The following AKAP6 variants were observed in gnomAD, a reference collection of about 807,000 sequenced individuals.
AKAP6 encodes the protein A-kinase anchor protein 6.
AKAP6 carries 58 observed loss-of-function variants against 188.5 expected under a neutral mutation model. The observed-to-expected ratio is 0.31, with a 90% CI of 0.25 to 0.38. AKAP6 has a LOEUF of 0.38. Among genes scored for constraint, AKAP6 ranks in the 10% least tolerant of loss-of-function variants. The pLI is 1.00. For synonymous variants in AKAP6, 989 were observed against 998.6 expected (o/e 0.99, Z 0.18); for missense variants, 2,710 against 2,740.0 (o/e 0.99, Z 0.24).
intron 1 of AKAP6, among the ~76,000 whole-genome samples, chr14:32,418,966 T>G (rs1221803204): frequency 6.6e-6 from 1 of 152,196 alleles, no homozygotes; most frequent in African/African-American, 2.4e-5. Flanking sequence ...TAACTTAAAT[T>G]ACTTGTTCTA....
intron 11 of AKAP6, among the ~76,000 whole-genome samples, chr14:32,769,683 A>AG (rs1436859458): frequency 1.3e-5 from 2 of 151,760 alleles, no homozygotes; most frequent in East Asian, 3.9e-4. Flanking sequence ...ATTGCTTTGG[A>AG]GTTTCTCAGC....
At chr14:32,689,454 T>C (rs184044378) in intron 8 of AKAP6, among the ~76,000 whole-genome samples, 40 of 152,326 alleles carry the variant, frequency 2.6e-4, no homozygotes, top group Non-Finnish European at 5.0e-4. Flanking sequence ...CGTAGGTATA[T>C]ATAAAAACTG....
chr14:32,693,366 T>C (rs1038532356), intron 8 of AKAP6: 3 of 152,214 alleles, frequency 2.0e-5, no homozygotes, highest in Admixed American at 2.0e-4. Context: ...ATTGTGCCTT[T>C]GTTGTCATGG....
At chr14:32,564,546 T>C (rs893717635) in intron 4 of AKAP6, among the ~76,000 whole-genome samples, 1 of 152,124 alleles carries the variant, frequency 6.6e-6, no homozygotes, top group African/African-American at 2.4e-5. Flanking sequence ...GAAGGATAGA[T>C]ATAGTGAATG....
chr14:32,439,255 T>C (rs1890488291), intron 2 of AKAP6, among the ~76,000 whole-genome samples: 1 of 152,204 alleles, frequency 6.6e-6, no homozygotes, highest in African/African-American at 2.4e-5. Flanking sequence ...GAAAAAGGAT[T>C]GAATCCTCTC....
Position 32,836,161 on chromosome 14 carries a change from G to A in AKAP6, c.*6356G>A, listed in dbSNP as rs558812784. ...AGTTGGAATGTGTTCATACGTGTAA[G>A]ACTGTCTTAGTCTGCCCAGACTGCT... On this transcript the variant is annotated 3_prime_UTR_variant, in exon 14 of 14. Transcript: ENST00000280979. 103 of 152,290 alleles carry A rather than the reference G, an allele frequency of 6.8e-4. No individual in the cohort carries two copies. Among genetic ancestry groups the A allele is most frequent in the African/African-American group, 2.4e-3 (100 of 41,554 alleles). The allele number at this position is 152,290 out of a possible 1,614,324, so 9.4% of individuals were successfully genotyped here.
chr14:32,434,472 C>T (rs1247502668), intron 2 of AKAP6, among the ~76,000 whole-genome samples: 1 of 152,160 alleles, frequency 6.6e-6, no homozygotes, highest in Non-Finnish European at 1.5e-5. Context: ...CTAGGGACTT[C>T]AAGATAAGGT....
chr14:32,614,771 T>C (rs1463801286), intron 7 of AKAP6, among the ~76,000 whole-genome samples: 1 of 152,076 alleles, frequency 6.6e-6, no homozygotes, highest in East Asian at 1.9e-4. Context: ...AGTTAGTCCA[T>C]GAGGCAACCA....
chr14:32,667,331 G>T (rs972456917), intron 7 of AKAP6, among the ~76,000 whole-genome samples: 1 of 151,960 alleles, frequency 6.6e-6, no homozygotes, highest in Non-Finnish European at 1.5e-5. Flanking sequence ...GGAACACTAA[G>T]AGTATGAAAG....
At chr14:32,811,255 A>AAAAAAAAAAAAAAAAGAAAAAAAAAAAT (rs546819675) in intron 12 of AKAP6, among the ~76,000 whole-genome samples, 1 of 118,298 alleles carries the variant, frequency 8.5e-6, no homozygotes, top group Admixed American at 8.4e-5. Flanking sequence ...AAAAAAAAAA[A>AAAAAAAAAAAAAAAAGAAAAAAAAAAAT]AGTTGAAAAA....
chr14:32,550,558 T>A (rs1264323519), intron 4 of AKAP6, among the ~76,000 whole-genome samples: 3 of 152,196 alleles, frequency 2.0e-5, no homozygotes, highest in Non-Finnish European at 4.4e-5. Flanking sequence ...TGCAGCGCTC[T>A]CCCGCATGCT....
intron 1 of AKAP6, among the ~76,000 whole-genome samples, chr14:32,377,682 A>C (rs1448509608): frequency 6.6e-6 from 1 of 152,130 alleles, no homozygotes. Context: ...TCATTTGACT[A>C]TTTGTTAGCT....
chr14:32,531,876 G>T (rs1882435052), intron 2 of AKAP6, among the ~76,000 whole-genome samples: 2 of 152,234 alleles, frequency 1.3e-5, no homozygotes, highest in South Asian at 4.1e-4. Flanking sequence ...TCATTTATCT[G>T]TTTACACATT....
chr14:32,644,353 C>A (rs1209751787), intron 7 of AKAP6, among the ~76,000 whole-genome samples: 1 of 152,116 alleles, frequency 6.6e-6, no homozygotes, highest in East Asian at 1.9e-4. Flanking sequence ...CTCTCTCTAC[C>A]AAGTGTATCT....
intron 2 of AKAP6, among the ~76,000 whole-genome samples, chr14:32,524,877 T>C (rs1226810676): frequency 1.3e-5 from 2 of 152,156 alleles, no homozygotes; most frequent in African/African-American, 2.4e-5. Flanking sequence ...GGCCATCACA[T>C]GCTTAAGAAA....
intron 9 of AKAP6, among the ~76,000 whole-genome samples, chr14:32,709,314 G>T (rs973023812): frequency 7.1e-6 from 1 of 141,420 alleles, no homozygotes; most frequent in Admixed American, 7.0e-5. Context: ...GGAGCACAAC[G>T]ATTTTTTTTT....
At chr14:32,440,744 T>C (rs1378580766) in intron 2 of AKAP6, among the ~76,000 whole-genome samples, 1 of 152,216 alleles carries the variant, frequency 6.6e-6, no homozygotes, top group Non-Finnish European at 1.5e-5. Context: ...CCCAAAAGCA[T>C]ATCCCAAATC....
intron 1 of AKAP6, among the ~76,000 whole-genome samples, chr14:32,405,388 TG>T (rs779003622): frequency 9.2e-5 from 14 of 152,168 alleles, no homozygotes; most frequent in African/African-American, 3.4e-4. Context: ...TCATAATGAT[TG>T]TTTTTTTGAC....
At chr14:32,596,906 A>G (rs1885727136) in intron 5 of AKAP6, among the ~76,000 whole-genome samples, 1 of 152,152 alleles carries the variant, frequency 6.6e-6, no homozygotes, top group South Asian at 2.1e-4. Flanking sequence ...AATTTTGTTA[A>G]TGTGTCTGCT....
Sources: allele counts gnomAD v4.1 joint callset (sites outside exome capture counted in the v4.1 genomes callset), GRCh38; gene constraint gnomAD v4.1.1; transcripts MANE v1.5; gene names NCBI Gene and HGNC (gene_info 2026-07-23, HGNC 2026-07-21).